Variants in CACNA1E observed in about 807,000 individuals in gnomAD.
CACNA1E encodes the protein voltage-dependent R-type calcium channel subunit alpha-1E.
In CACNA1E, 40 loss-of-function variants were observed where a neutral mutation model predicts 259.2. The observed-to-expected ratio is 0.15, with a 90% confidence interval of 0.12 to 0.20. The LOEUF is 0.20. CACNA1E is among the 10% of genes least tolerant of loss of function. The pLI is 1.00. For missense variants in CACNA1E, 1,874 were observed against 3,040.1 expected (o/e 0.62, Z 9.02); for synonymous variants, 1,104 against 1,138.5 (o/e 0.97, Z 0.61).
intron 7 of CACNA1E, among the ~76,000 whole-genome samples, chr1:181,682,306 A>G (rs1226320427): frequency 6.6e-6 from 1 of 152,198 alleles, no homozygotes; most frequent in Non-Finnish European, 1.5e-5. Context: ...AAGTACATTT[A>G]GGACTTGATG....
At chr1:181,614,612 T>A (rs1655044885) in intron 6 of CACNA1E, among the ~76,000 whole-genome samples, 1 of 152,236 alleles carries the variant, frequency 6.6e-6, no homozygotes, top group Non-Finnish European at 1.5e-5. Context: ...TAGGCAGTAG[T>A]ACAGTTACAC....
intron 7 of CACNA1E, among the ~76,000 whole-genome samples, chr1:181,684,104 T>C (rs1442943841): frequency 2.0e-5 from 3 of 152,208 alleles, no homozygotes; most frequent in Non-Finnish European, 2.9e-5. Flanking sequence ...TCATCAACAG[T>C]GTATACGCGT....
In CACNA1E at chr1:181,346,827, C is replaced by T. The variant is rs113767872; in HGVS notation, c.-15+28704C>T. Among the ~76,000 whole-genome samples the T allele has an allele frequency of 2.8e-3, 431 of 152,230 alleles. 3 individuals carry two copies. The highest frequency in any genetic ancestry group is 9.7e-3 in the East Asian group (50 of 5,160). ...CTGGGTTGCCTCTTAGATACTGGGA[C>T]GAAGTAGCTGCTGACTCCTGCCTTG... is the stretch of plus-strand genomic sequence containing the variant. On this transcript the variant is annotated intron_variant, in intron 1 of 11. Coordinates refer to the CACNA1E transcript ENST00000524607.
chr1:181,512,873 G>C (rs960484896), intron 3 of CACNA1E, among the ~76,000 whole-genome samples: 14 of 152,138 alleles, frequency 9.2e-5, no homozygotes, highest in Non-Finnish European at 1.8e-4. Context: ...TGAAGATATA[G>C]TTTTTACATA....
rs553991144 is a variant in CACNA1E at position 181,623,207 on chromosome 1, T to A, written c.952-28131T>A. 3.1e-4 allele frequency among the ~76,000 whole-genome samples: 47 copies of A among 152,326 alleles called. 2 individuals are homozygous for A. Among genetic ancestry groups the A allele is most frequent in the Non-Finnish European group, 3.1e-4 (21 of 68,026 alleles). ...TCTCCCTAACTAATTTGGCCCACAATGGTAAACCCCTTTTCAAAATTTGTG... is the reference window on the plus strand; with the variant it reads ...TCTCCCTAACTAATTTGGCCCACAAAGGTAAACCCCTTTTCAAAATTTGTG... On this transcript the variant is annotated intron_variant, in intron 6 of 47. Transcript: ENST00000367573.
chr1:181,715,517 T>C, intron 9 of CACNA1E, 126 bp downstream of exon 9: 1 of 642,828 alleles, frequency 1.6e-6, no homozygotes, highest in Admixed American at 2.6e-5. Flanking sequence ...TGAGAGTCTT[T>C]CTGTCATAAA....
intron 22 of CACNA1E, among the ~76,000 whole-genome samples, chr1:181,736,642 G>A (rs1014404412): frequency 6.6e-6 from 1 of 152,212 alleles, no homozygotes; most frequent in East Asian, 1.9e-4. Flanking sequence ...TGTGCCCATA[G>A]CTGAAAGAGT....
At chr1:181,590,416 A>AATAT (rs67459960) in intron 6 of CACNA1E, among the ~76,000 whole-genome samples, 35 of 115,880 alleles carry the variant, frequency 3.0e-4, no homozygotes, top group African/African-American at 1.2e-3. Context: ...AAAAAAAAAA[A>AATAT]ATATATATAT....
chr1:181,737,508 A>T lies in CACNA1E; in HGVS notation c.3423-17A>T. 1 of 1,613,394 alleles carries T rather than the reference A, an allele frequency of 6.2e-7. No individual in the cohort carries two copies. Among genetic ancestry groups the T allele is most frequent in the Non-Finnish European group, 8.5e-7 (1 of 1,179,560 alleles). On this transcript the variant is annotated splice_polypyrimidine_tract_variant and intron_variant, in intron 22 of 47. Transcript: ENST00000367573. ...TGGTGGGGAGTGGGCCAGCTCAGCC[A>T]TGCCCACTGCCCGCAGGATCCGGAG...
intron 44 of CACNA1E, among the ~76,000 whole-genome samples, chr1:181,790,947 G>C (rs989209626): frequency 6.6e-6 from 1 of 152,216 alleles, no homozygotes; most frequent in Non-Finnish European, 1.5e-5. Flanking sequence ...GGTACTGCTT[G>C]TGGGACACAC....
chr1:181,779,496 C>T, intron 38 of CACNA1E: 1 of 455,490 alleles, frequency 2.2e-6, no homozygotes, highest in South Asian at 1.6e-5. Context: ...ATCTCGCCTC[C>T]TCTGGGCCTG....
intron 2 of CACNA1E, among the ~76,000 whole-genome samples, chr1:181,419,005 A>G (rs1269625951): frequency 2.6e-5 from 4 of 152,172 alleles, no homozygotes; most frequent in Non-Finnish European, 1.5e-5. Flanking sequence ...GCCCAAGATC[A>G]TAATGTCAAC....
chr1:181,529,401 G>A (rs975994723), intron 3 of CACNA1E, among the ~76,000 whole-genome samples: 1 of 152,254 alleles, frequency 6.6e-6, no homozygotes, highest in African/African-American at 2.4e-5. Flanking sequence ...GGGAAATGTG[G>A]GGTTGGAGCC....
intron 3 of CACNA1E, among the ~76,000 whole-genome samples, chr1:181,561,943 A>G (rs1558129338): frequency 6.6e-6 from 1 of 152,114 alleles, no homozygotes; most frequent in Non-Finnish European, 1.5e-5. Context: ...CCTTCTAATA[A>G]GTGTGTAGTA....
rs572543949 is a variant in CACNA1E at position 181,773,353 on chromosome 1, T to A, written c.5139+1122T>A. Among the ~76,000 whole-genome samples the A allele has an allele frequency of 2.6e-5, 4 of 152,300 alleles. No individual in the cohort carries two copies. The East Asian group carries it at 7.7e-4, about 29-fold the overall frequency. On this transcript the variant is annotated intron_variant, in intron 37 of 47. Transcript: ENST00000367573. ...TCTGCTAGCCTGGGCCAAGACACTT[T>A]CCCTTTTATAGCATCTATAAAATGG...
intron 2 of CACNA1E, among the ~76,000 whole-genome samples, chr1:181,418,410 G>T (rs1356844396): frequency 2.0e-5 from 3 of 152,118 alleles, no homozygotes; most frequent in Non-Finnish European, 4.4e-5. Context: ...CCCAGGGCTT[G>T]GTCCTCAGCC....
intron 25 of CACNA1E, among the ~76,000 whole-genome samples, chr1:181,740,801 C>T (rs1042202886): frequency 5.3e-5 from 8 of 152,224 alleles, no homozygotes; most frequent in Admixed American, 5.2e-4. Context: ...CTTTCTGTCA[C>T]ATGTGGCTGG....
chr1:181,715,547 G>C (rs955106917), intron 9 of CACNA1E, among the ~76,000 whole-genome samples, 156 bp downstream of exon 9: 4 of 152,220 alleles, frequency 2.6e-5, no homozygotes, highest in African/African-American at 9.6e-5. Flanking sequence ...GCTTTAAAAT[G>C]AAGGGAATTG....
At chr1:181,625,250 C>G (rs1038012038) in intron 6 of CACNA1E, among the ~76,000 whole-genome samples, 4 of 151,980 alleles carry the variant, frequency 2.6e-5, no homozygotes, top group African/African-American at 9.7e-5. Flanking sequence ...CTTAAAGTCA[C>G]CAGTTGCATT....
Sources: gnomAD v4.1 joint callset for allele counts (sites outside exome capture counted in the v4.1 genomes callset) on GRCh38, gnomAD v4.1.1 for gene constraint, MANE v1.5 for transcripts, NCBI Gene and HGNC (gene_info 2026-07-23, HGNC 2026-07-21) for gene names.